The following SASH1 variants were observed in gnomAD, a reference collection of about 807,000 sequenced individuals.
SASH1 encodes SAM and SH3 domain-containing protein 1.
SASH1 carries 44 observed loss-of-function variants against 125.2 expected under a neutral mutation model. That is an observed-to-expected ratio of 0.35 (90% CI 0.28 to 0.45). The LOEUF is 0.45. Ranked by LOEUF, SASH1 falls within the 20% of genes least tolerant of loss-of-function variation. The probability of loss-of-function intolerance (pLI) is 1.00; values close to 1 mark genes in which losing one functional copy is unlikely to be tolerated. For synonymous variants in SASH1, 639 were observed against 649.1 expected (o/e 0.98, Z 0.24); for missense variants, 1,426 against 1,614.5 (o/e 0.88, Z 2.00).
chr6:148,341,399 C>T (rs1319120228), upstream of SASH1, among the ~76,000 whole-genome samples: 5 of 150,192 alleles, frequency 3.3e-5, no homozygotes, highest in African/African-American at 9.8e-5. Context: ...TCTCAAAATC[C>T]TGGCCTCAAG....
At chr6:148,316,804 G>A (rs886980713) in intron 1 of SASH1, among the ~76,000 whole-genome samples, 1 of 152,198 alleles carries the variant, frequency 6.6e-6, no homozygotes, top group Non-Finnish European at 1.5e-5. Context: ...GCTATACAGA[G>A]GTGCCTCAGC....
the SASH1 span, among the ~76,000 whole-genome samples, chr6:148,197,936 G>T: frequency 0.031 from 4,750 of 152,138 alleles, 116 homozygotes; most frequent in South Asian, 0.064. Context: ...TGCAACCTCC[G>T]CCTCCCATGT....
intron 1 of SASH1, among the ~76,000 whole-genome samples, chr6:148,314,378 T>A (rs972246640): frequency 6.6e-6 from 1 of 152,228 alleles, no homozygotes; most frequent in African/African-American, 2.4e-5. Context: ...AATGGCCCTT[T>A]AAACTGTATC....
Position 148,315,709 on chromosome 6 carries a change from G to A in SASH1, n.74+43332G>A, listed in dbSNP as rs1360657604. Reference sequence around the variant, plus strand: ...GCTTGAGCCCAGGAATTCGAGACCTGCCTGGGCAACATAGTGAGACCCCAT... The same window carrying A: ...GCTTGAGCCCAGGAATTCGAGACCTACCTGGGCAACATAGTGAGACCCCAT... On this transcript the variant is annotated intron_variant and non_coding_transcript_variant, in intron 1 of 3. Coordinates refer to the SASH1 transcript ENST00000367469. 3.9e-5 allele frequency among the ~76,000 whole-genome samples: 6 copies of A among 152,142 alleles called. No individual in the cohort carries two copies. The East Asian group carries it at 1.2e-3, about 29-fold the overall frequency.
the SASH1 span, among the ~76,000 whole-genome samples, chr6:148,220,746 C>G: frequency 1.3e-5 from 2 of 152,128 alleles, no homozygotes; most frequent in Non-Finnish European, 2.9e-5. Context: ...GAAACCCCGT[C>G]TCTACTAAAA....
chr6:148,519,942 C>T lies in SASH1; in HGVS notation c.1209+49C>T, dbSNP rs1444145602. On this transcript the variant is annotated intron_variant, in intron 10 of 19. Transcript: ENST00000367467. This position sits in a 1 kb window ranked among gnomAD's most constrained non-coding sequence, Gnocchi z 4.8. ...CTATGACAACCACCGTCGCAGGCAC[C>T]ACCTTCTGGTGTCCCTGGAGGAGTT... 17 of 1,316,218 alleles carry T rather than the reference C, an allele frequency of 1.3e-5. No individual in the cohort carries two copies. The highest frequency in any genetic ancestry group is 1.8e-5 in the Non-Finnish European group (17 of 965,202). The allele number at this position is 1,316,218 out of a possible 1,614,324, so 81.5% of individuals were successfully genotyped here.
chr6:148,497,976 G>A (rs2115254948), intron 8 of SASH1, among the ~76,000 whole-genome samples: 1 of 152,208 alleles, frequency 6.6e-6, no homozygotes, highest in Admixed American at 6.5e-5. Flanking sequence ...CACTCTCATG[G>A]CAGGCCCATT....
intron 2 of SASH1, among the ~76,000 whole-genome samples, chr6:148,439,937 T>C (rs1473293642): frequency 6.6e-6 from 1 of 152,024 alleles, no homozygotes; most frequent in Admixed American, 6.5e-5. Context: ...GCTTTTTTTC[T>C]TCTGAAATAA....
intron 8 of SASH1, among the ~76,000 whole-genome samples, chr6:148,499,266 A>T (rs555210435): frequency 1.3e-4 from 20 of 152,190 alleles, no homozygotes; most frequent in African/African-American, 4.3e-4. Flanking sequence ...TATGCCGTTC[A>T]TCTCCCTCTT....
Position 148,543,825 on chromosome 6 carries a change from C to T in SASH1, c.2355C>T (p.Gly785=), listed in dbSNP as rs1054039690. The part of the protein sequence containing the change: ...GDALKQGQEE[G]RLGGGLAPDT... Reference sequence around the variant, plus strand: ...CACTGAAGCAGGGACAGGAGGAGGGCAGGCTGGGTGGTGGCCTTGCCCCAG... The same window carrying T: ...CACTGAAGCAGGGACAGGAGGAGGGTAGGCTGGGTGGTGGCCTTGCCCCAG... The change falls in exon 18 of 20, where the codon GGC becomes GGT. Residue 785 remains glycine (G), a synonymous_variant. Transcript: ENST00000367467. 2 of 1,614,038 alleles carry T rather than the reference C, an allele frequency of 1.2e-6. No individual in the cohort carries two copies. Among genetic ancestry groups the T allele is most frequent in the Non-Finnish European group, 1.7e-6 (2 of 1,180,030 alleles).
chr6:148,387,519 CTT>C (rs1491536347), intron 1 of SASH1, among the ~76,000 whole-genome samples: 2 of 128,422 alleles, frequency 1.6e-5, no homozygotes, highest in African/African-American at 5.2e-5. Flanking sequence ...CTTTTTCCTT[CTT>C]TCTTTCTTTC....
chr6:148,314,511 C>T (rs1780427100), intron 1 of SASH1, among the ~76,000 whole-genome samples: 1 of 152,156 alleles, frequency 6.6e-6, no homozygotes, highest in African/African-American at 2.4e-5. Flanking sequence ...CCGCTGAATG[C>T]ATTATGTTGT....
intron 1 of SASH1, among the ~76,000 whole-genome samples, chr6:148,308,648 G>C (rs376548612): frequency 6.7e-6 from 1 of 150,320 alleles, no homozygotes; most frequent in East Asian, 2.0e-4. Flanking sequence ...CACCCACCTC[G>C]GCCTCCCAAA....
chr6:148,422,035 G>A (rs1274646944), intron 2 of SASH1, among the ~76,000 whole-genome samples: 2 of 152,130 alleles, frequency 1.3e-5, no homozygotes, highest in Non-Finnish European at 2.9e-5. Flanking sequence ...GGTAAATGAC[G>A]AGGAGGGAAA....
chr6:148,347,991 TTTTATTTATTTATTTG>T (rs950247864), intron 1 of SASH1, among the ~76,000 whole-genome samples: 4 of 152,118 alleles, frequency 2.6e-5, no homozygotes, highest in Non-Finnish European at 5.9e-5. Flanking sequence ...GCTTTCATAA[TTTTATTTATTTATTTG>T]TTTATTTATT....
chr6:148,421,146 G>GAAGGAAGGAAGGAAGGAAGAAAGA (rs1554254949), intron 2 of SASH1, among the ~76,000 whole-genome samples: 8 of 71,208 alleles, frequency 1.1e-4, no homozygotes, highest in Non-Finnish European at 1.9e-4. Context: ...AGGAAGGAAG[G>GAAGGAAGGAAGGAAGGAAGAAAGA]AAGAAAGAAA....
At chr6:148,370,623 A>G (rs539078425) in intron 1 of SASH1, among the ~76,000 whole-genome samples, 1 of 152,214 alleles carries the variant, frequency 6.6e-6, no homozygotes, top group South Asian at 2.1e-4. Flanking sequence ...GGAGATCGAG[A>G]CCATCCTGGC....
At chr6:148,522,110 C>T (rs1257880360) in intron 10 of SASH1, among the ~76,000 whole-genome samples, 11 of 152,232 alleles carry the variant, frequency 7.2e-5, no homozygotes, top group Admixed American at 1.3e-4. Flanking sequence ...CCCCACCTAA[C>T]GTGCTCCTGT....
chr6:148,357,195 C>G (rs57398061), intron 1 of SASH1, among the ~76,000 whole-genome samples: 1 of 152,096 alleles, frequency 6.6e-6, no homozygotes, highest in African/African-American at 2.4e-5. Context: ...GATTTATGCC[C>G]TCAGAGCTAC....
Sources: allele counts gnomAD v4.1 joint callset (sites outside exome capture counted in the v4.1 genomes callset), GRCh38; gene constraint gnomAD v4.1.1; non-coding constraint Gnocchi (gnomAD v3.1); transcripts MANE v1.5; gene names NCBI Gene and HGNC (gene_info 2026-07-23, HGNC 2026-07-21).